ZNF688: variants seen among roughly 807,000 people sequenced by gnomAD.
ZNF688 encodes the protein zinc finger protein 688.
In ZNF688, 10 loss-of-function variants were observed where a neutral mutation model predicts 13.2. The observed-to-expected ratio is 0.76, with a 90% CI of 0.47 to 1.28. The LOEUF is 1.28. ZNF688 is among the 50% of genes most tolerant of loss of function. The pLI is 0.00. For synonymous variants in ZNF688, 160 were observed against 159.4 expected, an observed-to-expected ratio of 1.00 and a Z score of -0.03; for missense variants, 381 against 391.4, an observed-to-expected ratio of 0.97 and a Z score of 0.22.
At position 30,571,075 on chromosome 16, in the gene ZNF688, C is replaced by CT; in HGVS notation, c.244dup (p.Ser82LysfsTer2). 1.9e-6 allele frequency: 3 copies of CT among 1,602,586 alleles called. No homozygotes were observed. The highest frequency in any genetic ancestry group is 2.6e-6 in the Non-Finnish European group (3 of 1,175,674). ...CTGGGCGGCGGGGCTCCAAGCCTCACTCTCCTGTTCCATCCAAGAGATGAG... is the reference window on the plus strand; with the variant it reads ...CTGGGCGGCGGGGCTCCAAGCCTCACTTCTCCTGTTCCATCCAAGAGATGAG... On this transcript the variant is annotated frameshift_variant, in exon 2 of 3. Coordinates refer to ENST00000223459, the MANE Select transcript of ZNF688 (RefSeq NM_145271.4). LOFTEE classifies it high-confidence loss of function.
upstream of ZNF688, among the ~76,000 whole-genome samples, chr16:30,575,935 C>T (rs1411877761): frequency 6.6e-6 from 1 of 152,192 alleles, no homozygotes; most frequent in Non-Finnish European, 1.5e-5. Context: ...GGATTACAGG[C>T]GTGAGCCACT....
At position 30,569,884 on chromosome 16, in the gene ZNF688, A is replaced by G; in HGVS notation, c.*32T>C. ...AGGGATCCGTCAGTCCTTCGTGCCA[A>G]GGTCAGGCTCAACTCCAGCCTGCGG... is the stretch of plus-strand genomic sequence containing the variant. On this transcript the variant is annotated 3_prime_UTR_variant, in exon 3 of 3. Coordinates refer to ENST00000223459, the MANE Select transcript of ZNF688 (RefSeq NM_145271.4). The G allele has an allele frequency of 1.3e-6, 2 of 1,505,378 alleles. No individual in the cohort carries two copies. 93.3% of individuals were successfully genotyped at this position (1,505,378 alleles called of 1,614,324 possible). A position where few individuals can be genotyped will look rare whatever the true frequency, so the allele number is the denominator to read the frequency against.
chr16:30,573,271 AT>A (rs1006868820), upstream of ZNF688, among the ~76,000 whole-genome samples: 5 of 150,172 alleles, frequency 3.3e-5, no homozygotes, highest in African/African-American at 4.9e-5. Context: ...TCAAATCCTA[AT>A]TTTTTTTTTC....
At chr16:30,570,463 T>A (rs958751974) in intron 2 of ZNF688, 27 bp from the exon 3 acceptor site, 10 of 1,595,948 alleles carry the variant, frequency 6.3e-6, no homozygotes, top group Non-Finnish European at 8.5e-6. Flanking sequence ...AAGTTACACT[T>A]ACAAACACTT....
upstream of ZNF688, chr16:30,572,143 A>G: frequency 6.2e-7 from 1 of 1,601,906 alleles, no homozygotes; most frequent in Non-Finnish European, 8.5e-7. Context: ...CGCAATACGC[A>G]ACGGCCGATG....
In ZNF688 at chr16:30,571,470, C is replaced by G; in HGVS notation, c.160G>C (p.Val54Leu). The G allele has an allele frequency of 6.3e-7, 1 of 1,587,858 alleles. No individual in the cohort carries two copies. Among genetic ancestry groups the G allele is most frequent in the Non-Finnish European group, 8.6e-7 (1 of 1,168,270 alleles). The change falls in exon 1 of 3, where the codon GTG becomes CTG. Residue 54 changes from valine to leucine, a missense_variant. Val to Leu is a conservative substitution (Grantham distance 32). Coordinates refer to ENST00000223459, the MANE Select transcript of ZNF688 (RefSeq NM_145271.4). ...AGGTGGCCGTAGGTCTCCTGCATCA[C>G]GTCCCGGTACAGAGCCCTCTGCGCG... ...RPAQRALYRD[V>L]MQETYGHLGA...
intron 1 of ZNF688, 80 bp from the exon 2 acceptor site, chr16:30,571,203 C>G (rs774882923): frequency 6.6e-7 from 1 of 1,514,296 alleles, no homozygotes; most frequent in Admixed American, 2.3e-5. Flanking sequence ...CTGAGGGCAC[C>G]CCCTCGGAGC....
chr16:30,569,858 CA>C lies in ZNF688; in HGVS notation c.*57del. The C allele has an allele frequency of 6.7e-7, 1 of 1,494,020 alleles. No individual in the cohort carries two copies. Among genetic ancestry groups the C allele is most frequent in the Non-Finnish European group, 8.9e-7 (1 of 1,123,188 alleles). The allele number at this position is 1,494,020 out of a possible 1,614,324, so 92.5% of individuals were successfully genotyped here. On this transcript the variant is annotated 3_prime_UTR_variant, in exon 3 of 3. Transcript: ENST00000223459. ...GAGTCCCCGACTCAGTGGCCCACCT[CA>C]GGGATCCGTCAGTCCTTCGTGCCAA...
At chr16:30,572,040 G>T, upstream of ZNF688, 2 of 1,418,206 alleles carry the variant, frequency 1.4e-6, no homozygotes, top group Non-Finnish European at 1.9e-6. Context: ...GCTTTTTCTA[G>T]TGGGGGAGGC....
upstream of ZNF688, chr16:30,573,951 A>G: frequency 3.2e-6 from 1 of 313,786 alleles, no homozygotes; most frequent in South Asian, 2.6e-5. Flanking sequence ...TAAATTTTGA[A>G]AATATTTAAT....
At chr16:30,573,393 T>C (rs2051715096), upstream of ZNF688, among the ~76,000 whole-genome samples, 1 of 152,212 alleles carries the variant, frequency 6.6e-6, no homozygotes, top group South Asian at 2.1e-4. Flanking sequence ...TATCTTCCGC[T>C]TCCTAGATTT....
chr16:30,573,520 G>A (rs1488841666), upstream of ZNF688, among the ~76,000 whole-genome samples: 1 of 152,222 alleles, frequency 6.6e-6, no homozygotes, highest in East Asian at 1.9e-4. Context: ...ACAGGATGCA[G>A]AATACTGTTT....
chr16:30,572,162 C>T (rs1270847018), upstream of ZNF688: 3 of 1,604,622 alleles, frequency 1.9e-6, no homozygotes, highest in East Asian at 2.3e-5. Context: ...TGATTGGCGA[C>T]GATCCCGGAA....
At chr16:30,570,956 G>A in intron 2 of ZNF688, 54 bp downstream of exon 2, 1 of 1,581,008 alleles carries the variant, frequency 6.3e-7, no homozygotes, top group Non-Finnish European at 8.7e-7. Flanking sequence ...AAGAAACTCT[G>A]CTAGACAGGA....
chr16:30,570,608 TTG>T, intron 2 of ZNF688, 172 bp from the exon 3 acceptor site: 2 of 774,482 alleles, frequency 2.6e-6, no homozygotes. Flanking sequence ...TATCTGAGCC[TTG>T]GTTCCTTATG....
chr16:30,578,626 C>CG, the ZNF688 span: 1 of 152,316 alleles, frequency 6.6e-6, no homozygotes, highest in South Asian at 2.1e-4. Context: ...TGGGGTCAAA[C>CG]GATTCTCCTG....
chr16:30,570,639 A>G, intron 2 of ZNF688: 1 of 594,628 alleles, frequency 1.7e-6, no homozygotes, highest in Non-Finnish European at 2.8e-6. Flanking sequence ...GGGAATAATA[A>G]TGGCTTTTGA....
rs141150206 is a variant in ZNF688 at position 30,571,054 on chromosome 16, G to A, written c.266C>T (p.Ala89Val). The part of the protein sequence containing the change: ...EQESEAWSPA[A>V]QDPEKGERLG... ...TCTTTCCCCCTTCTCAGGATCCTGG[G>A]CGGCGGGGCTCCAAGCCTCACTCTC... is the stretch of plus-strand genomic sequence containing the variant. Residue 89 changes from alanine (A) to valine (V), a missense_variant, in exon 2 of 3, where the codon GCC becomes GTC. By Grantham distance (64) the Ala-to-Val change is moderately conservative. Coordinates refer to ENST00000223459, the MANE Select transcript of ZNF688 (RefSeq NM_145271.4). 213 of 1,611,654 alleles carry A rather than the reference G, an allele frequency of 1.3e-4. No homozygotes were observed. The highest frequency in any genetic ancestry group is 1.7e-4 in the Non-Finnish European group (202 of 1,179,182).
chr16:30,573,590 A>T (rs1002154695), upstream of ZNF688: 3 of 161,162 alleles, frequency 1.9e-5, no homozygotes, highest in Non-Finnish European at 4.0e-5. Flanking sequence ...CCCTGCTGTC[A>T]TTCTGGCTCT....
Sources: allele counts gnomAD v4.1 joint callset (sites outside exome capture counted in the v4.1 genomes callset), GRCh38; gene constraint gnomAD v4.1.1; transcripts MANE v1.5; gene names NCBI Gene and HGNC (gene_info 2026-07-23, HGNC 2026-07-21).